The following GTF2IRD1 variants were observed in gnomAD, a reference collection of about 807,000 sequenced individuals.
GTF2IRD1 encodes general transcription factor II-I repeat domain-containing protein 1.
Under a neutral mutation model 113.2 loss-of-function variants are expected in GTF2IRD1, and 26 were observed. The observed-to-expected ratio is 0.23, with a 90% CI of 0.17 to 0.32. The LOEUF is 0.32. Ranked by LOEUF, GTF2IRD1 falls within the 10% of genes least tolerant of loss-of-function variation. The probability of loss-of-function intolerance (pLI) is 1.00; values close to 1 mark genes in which losing one functional copy is unlikely to be tolerated. For synonymous variants in GTF2IRD1, 484 were observed against 529.1 expected (o/e 0.91, Z 1.17); for missense variants, 864 against 1,280.8 (o/e 0.67, Z 4.97).
chr7:74,456,369 G>C (rs988871904), intron 1 of GTF2IRD1, among the ~76,000 whole-genome samples: 1 of 152,122 alleles, frequency 6.6e-6, no homozygotes, highest in African/African-American at 2.4e-5. Flanking sequence ...ACCACTCACT[G>C]CTTCCTCAGC....
At chr7:74,562,713 G>A (rs1355614636) in intron 22 of GTF2IRD1, among the ~76,000 whole-genome samples, 2 of 151,750 alleles carry the variant, frequency 1.3e-5, no homozygotes, top group African/African-American at 2.4e-5. Flanking sequence ...GATTATAGGC[G>A]TGTGCCACAG....
intron 1 of GTF2IRD1, among the ~76,000 whole-genome samples, chr7:74,462,483 C>T (rs1394697945): frequency 6.6e-6 from 1 of 152,192 alleles, no homozygotes; most frequent in Non-Finnish European, 1.5e-5. Flanking sequence ...AATGCATTTA[C>T]GGCATTGCTG....
chr7:74,485,568 GAT>G (rs1210417200), intron 1 of GTF2IRD1, among the ~76,000 whole-genome samples: 4 of 151,490 alleles, frequency 2.6e-5, no homozygotes, highest in Non-Finnish European at 5.9e-5. Flanking sequence ...AGTGAGCCGA[GAT>G]AGTGCCACTG....
intron 1 of GTF2IRD1, among the ~76,000 whole-genome samples, chr7:74,490,553 C>T (rs535421092): frequency 1.6e-4 from 23 of 147,472 alleles, no homozygotes; most frequent in Admixed American, 7.4e-4. Flanking sequence ...CCCCCCCCCC[C>T]GCCCGCCTTC....
At chr7:74,456,637 C>T (rs539712692) in intron 1 of GTF2IRD1, among the ~76,000 whole-genome samples, 146 of 151,808 alleles carry the variant, frequency 9.6e-4, no homozygotes, top group African/African-American at 3.1e-3. Flanking sequence ...GAGCCAAGAC[C>T]GCACCACTGT....
At chr7:74,506,489 T>C (rs1796302642) in intron 1 of GTF2IRD1, 1 of 152,142 alleles carries the variant, frequency 6.6e-6, no homozygotes, top group South Asian at 2.1e-4. Flanking sequence ...TGTCTGCAGG[T>C]AGGAGACAGA....
chr7:74,600,853 G>C, intron 25 of GTF2IRD1, 191 bp from the exon 26 acceptor site: 1 of 620,674 alleles, frequency 1.6e-6, no homozygotes, highest in Non-Finnish European at 2.8e-6. Context: ...GGGCCCTCGG[G>C]CTTGCTTTGG....
In GTF2IRD1 at chr7:74,559,566, G is replaced by C. The variant is rs587638102; in HGVS notation, c.2292-61G>C. 2.0e-6 allele frequency: 3 copies of C among 1,473,510 alleles called. No individual in the cohort carries two copies. In the African/African-American group the frequency reaches 4.2e-5, roughly 21 times the overall value. The allele number at this position is 1,473,510 out of a possible 1,614,324, so 91.3% of individuals were successfully genotyped here. A position where few individuals can be genotyped will look rare whatever the true frequency, so the allele number is the denominator to read the frequency against. On this transcript the variant is annotated intron_variant, in intron 21 of 26. Coordinates refer to ENST00000424337, the MANE Select transcript of GTF2IRD1 (RefSeq NM_005685.4). ...GGAGACCGAGGCCACTGAATCCCAGGGGTGTCTTCCTCATCCCCCAGGCCC... is the reference window on the plus strand; with the variant it reads ...GGAGACCGAGGCCACTGAATCCCAGCGGTGTCTTCCTCATCCCCCAGGCCC...
intron 14 of GTF2IRD1, among the ~76,000 whole-genome samples, chr7:74,541,281 A>C (rs2130610526): frequency 6.6e-6 from 1 of 151,766 alleles, no homozygotes; most frequent in East Asian, 2.0e-4. Context: ...GCTTGAGGCC[A>C]GGAGTTCGAG....
intron 1 of GTF2IRD1, among the ~76,000 whole-genome samples, chr7:74,479,043 C>T (rs1315394051): frequency 6.6e-6 from 1 of 152,150 alleles, no homozygotes; most frequent in Non-Finnish European, 1.5e-5. Flanking sequence ...GCTCCTGGTC[C>T]CAAAGCTCTG....
At chr7:74,543,459 C>T (rs1554352327) in intron 14 of GTF2IRD1, among the ~76,000 whole-genome samples, 1 of 152,146 alleles carries the variant, frequency 6.6e-6, no homozygotes, top group African/African-American at 2.4e-5. Context: ...GGTGACAGAG[C>T]GAGACTCTGT....
chr7:74,538,566 T>C (rs1471605338), intron 12 of GTF2IRD1, 114 bp from the exon 13 acceptor site: 7 of 801,374 alleles, frequency 8.7e-6, no homozygotes, highest in Non-Finnish European at 1.6e-5. Context: ...ACATGACTTG[T>C]CCTAGGTAGG....
intron 1 of GTF2IRD1, among the ~76,000 whole-genome samples, chr7:74,476,434 G>A (rs1794415191): frequency 6.7e-6 from 1 of 149,886 alleles, no homozygotes. Flanking sequence ...GTGCGATCTC[G>A]GCTCACTGCA....
intron 14 of GTF2IRD1, among the ~76,000 whole-genome samples, chr7:74,541,014 T>C (rs1798605694): frequency 6.7e-6 from 1 of 150,334 alleles, no homozygotes; most frequent in Non-Finnish European, 1.5e-5. Flanking sequence ...TCCTCCTGCC[T>C]CAGCCTCCCA....
intron 21 of GTF2IRD1, among the ~76,000 whole-genome samples, chr7:74,559,348 A>G (rs1467898159): frequency 6.6e-6 from 1 of 152,182 alleles, no homozygotes; most frequent in Admixed American, 6.5e-5. Context: ...TTCAGCCCCC[A>G]TCAGAGGGAT....
intron 17 of GTF2IRD1, among the ~76,000 whole-genome samples, chr7:74,549,246 T>A (rs1252326325): frequency 6.7e-6 from 1 of 148,830 alleles, no homozygotes; most frequent in Admixed American, 6.8e-5. Context: ...GAGGTTGCAC[T>A]GAGCTGAGAT....
chr7:74,599,564 A>G, intron 25 of GTF2IRD1, among the ~76,000 whole-genome samples: 1 of 152,154 alleles, frequency 6.6e-6, no homozygotes, highest in Non-Finnish European at 1.5e-5. Flanking sequence ...TGAAATTTGA[A>G]CTTAGGACTT....
intron 1 of GTF2IRD1, among the ~76,000 whole-genome samples, chr7:74,462,538 A>C (rs1793439726): frequency 6.6e-6 from 1 of 152,190 alleles, no homozygotes; most frequent in Admixed American, 6.5e-5. Flanking sequence ...GTAGTGTTCC[A>C]TGGTGTGGAT....
At chr7:74,570,569 G>C (rs1311487222) in intron 22 of GTF2IRD1, among the ~76,000 whole-genome samples, 6 of 151,980 alleles carry the variant, frequency 3.9e-5, no homozygotes, top group African/African-American at 1.5e-4. Flanking sequence ...AGGGAGGATC[G>C]CTTGAGCCCA....
Sources: allele counts gnomAD v4.1 joint callset (sites outside exome capture counted in the v4.1 genomes callset), GRCh38; gene constraint gnomAD v4.1.1; transcripts MANE v1.5; gene names NCBI Gene and HGNC (gene_info 2026-07-23, HGNC 2026-07-21).